Variants in CSNK1G1 observed in about 807,000 individuals in gnomAD.
CSNK1G1 encodes casein kinase I isoform gamma-1.
CSNK1G1 carries 22 observed loss-of-function variants against 59.6 expected under a neutral mutation model. The observed-to-expected ratio is 0.37, with a 90% CI of 0.26 to 0.53. The LOEUF is 0.53. Among genes scored for constraint, CSNK1G1 ranks in the 20% least tolerant of loss-of-function variants. The pLI is 0.89. For missense variants in CSNK1G1, 384 were observed against 519.5 expected (o/e 0.74, Z 2.54); for synonymous variants, 179 against 177.1 (o/e 1.01, Z -0.08).
chr15:64,243,806 G>T (rs1891603874), intron 4 of CSNK1G1, among the ~76,000 whole-genome samples: 1 of 151,840 alleles, frequency 6.6e-6, no homozygotes, highest in Admixed American at 6.6e-5. Context: ...AGAAGTGGAG[G>T]TTGCAGTGAG....
At chr15:64,320,852 T>G (rs1896525912) in intron 1 of CSNK1G1, among the ~76,000 whole-genome samples, 1 of 152,170 alleles carries the variant, frequency 6.6e-6, no homozygotes, top group Admixed American at 6.6e-5. Context: ...ACCACCAGTT[T>G]GTAACCTCTG....
chr15:64,253,025 C>G (rs1299983613), intron 3 of CSNK1G1, among the ~76,000 whole-genome samples: 1 of 151,928 alleles, frequency 6.6e-6, no homozygotes, highest in East Asian at 1.9e-4. Flanking sequence ...CTGGGCAACA[C>G]AGCAAAACCT....
At chr15:64,255,564 C>T (rs963427534) in intron 3 of CSNK1G1, among the ~76,000 whole-genome samples, 8 of 152,164 alleles carry the variant, frequency 5.3e-5, no homozygotes, top group East Asian at 3.8e-4. Context: ...TCAATAACCA[C>T]GAATACTATT....
chr15:64,247,546 C>A (rs183299051), intron 4 of CSNK1G1, among the ~76,000 whole-genome samples: 13 of 152,130 alleles, frequency 8.5e-5, no homozygotes, highest in African/African-American at 3.1e-4. Flanking sequence ...TGACCACTCA[C>A]TAGAAAACAA....
intron 1 of CSNK1G1, among the ~76,000 whole-genome samples, chr15:64,316,095 G>C (rs562649733): frequency 1.9e-4 from 29 of 152,222 alleles, no homozygotes; most frequent in African/African-American, 6.7e-4. Context: ...AGCATGGTCA[G>C]AGCTCATGGC....
chr15:64,297,746 CTG>C (rs1277272962), intron 2 of CSNK1G1, among the ~76,000 whole-genome samples: 1 of 151,648 alleles, frequency 6.6e-6, no homozygotes, highest in Admixed American at 6.6e-5. Flanking sequence ...GTTTGACAGA[CTG>C]TGTGTCTAGG....
intron 4 of CSNK1G1, among the ~76,000 whole-genome samples, chr15:64,230,149 G>A (rs1288597150): frequency 6.6e-6 from 1 of 151,192 alleles, no homozygotes; most frequent in East Asian, 1.9e-4. Context: ...CACCTGACGC[G>A]CTGGGCCTCC....
intron 2 of CSNK1G1, chr15:64,265,662 TA>T (rs1200114552): frequency 0.071 from 19,187 of 270,282 alleles, 5 homozygotes; most frequent in South Asian, 0.12. Context: ...ACAATAGCTT[TA>T]AAAAAAAAAA....
intron 10 of CSNK1G1, among the ~76,000 whole-genome samples, chr15:64,191,237 T>G (rs536896728): frequency 6.6e-6 from 1 of 152,260 alleles, no homozygotes; most frequent in African/African-American, 2.4e-5. Context: ...TTTTTTTATA[T>G]TTTTAGTAGA....
chr15:64,242,291 A>C (rs1891512387), intron 4 of CSNK1G1, among the ~76,000 whole-genome samples: 2 of 152,128 alleles, frequency 1.3e-5, no homozygotes, highest in Non-Finnish European at 2.9e-5. Context: ...TGGAATTGTA[A>C]TCTCCAATGC....
At chr15:64,300,818 G>T in intron 1 of CSNK1G1, 95 bp from the exon 2 acceptor site, 1 of 688,964 alleles carries the variant, frequency 1.5e-6, no homozygotes, top group Non-Finnish European at 2.0e-6. Context: ...ATCCAAAGGT[G>T]AGCAAAATGC....
intron 2 of CSNK1G1, among the ~76,000 whole-genome samples, chr15:64,285,558 C>T (rs1429005667): frequency 2.0e-5 from 3 of 152,240 alleles, no homozygotes; most frequent in South Asian, 2.1e-4. Context: ...TCAAAAAGGA[C>T]CCTACTCTGC....
chr15:64,253,157 C>A (rs1352874539), intron 3 of CSNK1G1, among the ~76,000 whole-genome samples: 1 of 152,130 alleles, frequency 6.6e-6, no homozygotes, highest in Non-Finnish European at 1.5e-5. Flanking sequence ...CCAGCCTGGG[C>A]AACATAGGGA....
intron 4 of CSNK1G1, among the ~76,000 whole-genome samples, chr15:64,249,710 T>C (rs1241601705): frequency 6.6e-6 from 1 of 152,200 alleles, no homozygotes; most frequent in Non-Finnish European, 1.5e-5. Flanking sequence ...TCACCTTTCC[T>C]CTAATGCCCT....
chr15:64,295,213 T>C (rs1244527705), intron 2 of CSNK1G1, among the ~76,000 whole-genome samples: 2 of 152,216 alleles, frequency 1.3e-5, no homozygotes, highest in Admixed American at 6.5e-5. Flanking sequence ...CTATATTTAC[T>C]ATCTCAATTA....
chr15:64,215,415 C>T (rs942907903), intron 5 of CSNK1G1, among the ~76,000 whole-genome samples: 8 of 151,704 alleles, frequency 5.3e-5, no homozygotes, highest in Admixed American at 6.6e-5. Context: ...GGTTTCACTG[C>T]GTTAGCCAGG....
rs369507190 is a variant in CSNK1G1 at position 64,213,859 on chromosome 15, C to A, written c.679+31G>T. On this transcript the variant is annotated intron_variant, in intron 6 of 11. Coordinates refer to ENST00000303052, the MANE Select transcript of CSNK1G1 (RefSeq NM_022048.5). ...GAAATAATAAACTGTTCTAATGACT[C>A]GCCCCTTTCATGGAACAGAAAAAAA... 5 of 1,388,856 alleles carry A rather than the reference C, an allele frequency of 3.6e-6. No homozygotes were observed. The South Asian group carries it at 4.7e-5, about 13-fold the overall frequency. The allele number at this position is 1,388,856 out of a possible 1,614,324, so 86.0% of individuals were successfully genotyped here.
chr15:64,179,689 T>G (rs981531456), intron 11 of CSNK1G1, among the ~76,000 whole-genome samples: 1 of 152,120 alleles, frequency 6.6e-6, no homozygotes, highest in African/African-American at 2.4e-5. Context: ...ACCCCAGATT[T>G]TAAGAGTTTA....
intron 10 of CSNK1G1, among the ~76,000 whole-genome samples, chr15:64,185,909 A>G (rs997826103): frequency 6.6e-6 from 1 of 151,946 alleles, no homozygotes; most frequent in East Asian, 1.9e-4. Context: ...TTATTTTGTA[A>G]TTATAAAAAG....
Sources: gnomAD v4.1 joint callset for allele counts (sites outside exome capture counted in the v4.1 genomes callset) on GRCh38, gnomAD v4.1.1 for gene constraint, MANE v1.5 for transcripts, NCBI Gene and HGNC (gene_info 2026-07-23, HGNC 2026-07-21) for gene names.